AP3B1: variants seen among roughly 807,000 people sequenced by gnomAD.
The protein encoded by AP3B1 is AP-3 complex subunit beta-1.
AP3B1 carries 61 observed loss-of-function variants against 132.5 expected under a neutral mutation model. The observed-to-expected ratio is 0.46, with a 90% CI of 0.37 to 0.57. AP3B1 has a LOEUF of 0.57. Ranked by LOEUF, AP3B1 falls within the 20% of genes least tolerant of loss-of-function variation. AP3B1 has a pLI of 0.00. For synonymous variants in AP3B1, 388 were observed against 438.3 expected, an observed-to-expected ratio of 0.89 and a Z score of 1.43; for missense variants, 1,120 against 1,289.4, an observed-to-expected ratio of 0.87 and a Z score of 2.01.
intron 26 of AP3B1, among the ~76,000 whole-genome samples, chr5:78,013,815 A>G (rs1746725165): frequency 6.6e-6 from 1 of 152,108 alleles, no homozygotes; most frequent in Non-Finnish European, 1.5e-5. Context: ...CCTTACATCC[A>G]TTTTCTTATT....
At chr5:78,086,905 G>T (rs1279925443) in intron 22 of AP3B1, among the ~76,000 whole-genome samples, 1 of 152,004 alleles carries the variant, frequency 6.6e-6, no homozygotes, top group African/African-American at 2.4e-5. Flanking sequence ...AAGTACTTTG[G>T]TGCAGAAAAA....
At chr5:78,153,231 A>G (rs1057439602) in intron 14 of AP3B1, among the ~76,000 whole-genome samples, 23 of 152,174 alleles carry the variant, frequency 1.5e-4, no homozygotes, top group Non-Finnish European at 3.2e-4. Flanking sequence ...TGTTGAGTGC[A>G]TATATATTTA....
intron 24 of AP3B1, among the ~76,000 whole-genome samples, chr5:78,025,792 T>C (rs2112076209): frequency 1.3e-5 from 2 of 152,344 alleles, no homozygotes; most frequent in Middle Eastern, 6.8e-3. Flanking sequence ...AGGAGGATAA[T>C]AAATCCTTAT....
intron 7 of AP3B1, among the ~76,000 whole-genome samples, chr5:78,186,032 C>A (rs77380474): frequency 0.023 from 3,556 of 152,014 alleles, 150 homozygotes; most frequent in African/African-American, 0.079. Flanking sequence ...CTAAATGGGA[C>A]GCTTAAGCCT....
chr5:78,100,405 T>G (rs1319530790), intron 21 of AP3B1, among the ~76,000 whole-genome samples: 1 of 152,154 alleles, frequency 6.6e-6, no homozygotes, highest in East Asian at 1.9e-4. Context: ...CTTTGTACAC[T>G]TGGGTGAATA....
At chr5:78,118,992 C>G (rs1752008805) in intron 17 of AP3B1, among the ~76,000 whole-genome samples, 1 of 152,184 alleles carries the variant, frequency 6.6e-6, no homozygotes, top group Non-Finnish European at 1.5e-5. Flanking sequence ...GAGGAACGAT[C>G]AGGCAGCAGC....
At chr5:78,070,782 T>A (rs1201754526) in intron 22 of AP3B1, among the ~76,000 whole-genome samples, 15 of 150,098 alleles carry the variant, frequency 1.0e-4, no homozygotes, top group African/African-American at 3.7e-4. Context: ...CAAAAGAAGA[T>A]ATTTATGTGG....
At chr5:78,223,009 T>C (rs1746247005) in intron 6 of AP3B1, among the ~76,000 whole-genome samples, 1 of 140,622 alleles carries the variant, frequency 7.1e-6, no homozygotes, top group Non-Finnish European at 1.5e-5. Context: ...TCTTGTTTTT[T>C]TGTTTGTTTG....
chr5:78,096,719 G>A (rs1750812401), intron 21 of AP3B1, among the ~76,000 whole-genome samples: 1 of 151,556 alleles, frequency 6.6e-6, no homozygotes, highest in African/African-American at 2.4e-5. Context: ...GAGAAGGGAG[G>A]AGACCCTCCA....
intron 1 of AP3B1, among the ~76,000 whole-genome samples, chr5:78,286,596 A>G (rs1749292454): frequency 6.6e-6 from 1 of 152,190 alleles, no homozygotes; most frequent in Non-Finnish European, 1.5e-5. Context: ...AAATAAAATT[A>G]TATTCTTTAG....
intron 14 of AP3B1, among the ~76,000 whole-genome samples, chr5:78,145,117 A>C (rs1295568172): frequency 6.6e-6 from 1 of 152,232 alleles, no homozygotes; most frequent in Non-Finnish European, 1.5e-5. Context: ...TACAGACATA[A>C]ATCTATTTGA....
intron 1 of AP3B1, among the ~76,000 whole-genome samples, chr5:78,285,248 CAA>C (rs369311356): frequency 1.4e-4 from 19 of 133,286 alleles, no homozygotes; most frequent in Admixed American, 2.3e-4. Flanking sequence ...GACTCTGTCT[CAA>C]AAAAAAAAAA....
chr5:78,140,736 A>G (rs1753111396), intron 15 of AP3B1, among the ~76,000 whole-genome samples: 1 of 152,132 alleles, frequency 6.6e-6, no homozygotes. Context: ...TCACCTTCAA[A>G]AAGTTTCCCA....
chr5:78,015,594 A>C, intron 25 of AP3B1, 46 bp from the exon 26 acceptor site: 1 of 1,605,032 alleles, frequency 6.2e-7, no homozygotes, highest in Admixed American at 1.7e-5. Flanking sequence ...TCTTTTTGAA[A>C]ATTACATTTA....
chr5:78,228,245 A>T lies in AP3B1; in HGVS notation c.280-6T>A, dbSNP rs749706587. 2 of 1,468,250 alleles carry T rather than the reference A, an allele frequency of 1.4e-6. No homozygotes were observed. Among genetic ancestry groups the T allele is most frequent in the South Asian group, 2.4e-5 (2 of 85,106 alleles). 91.0% of individuals were successfully genotyped at this position (1,468,250 alleles called of 1,614,324 possible). The stretch of plus-strand genomic sequence containing the variant: ...ACATATACCAACTTCTTGATCTGTT[A>T]AAAAAAAATCATTTATTCATAACCA... On this transcript the variant is annotated splice_polypyrimidine_tract_variant and splice_region_variant and intron_variant, in intron 3 of 26. Transcript: ENST00000255194.
intron 1 of AP3B1, among the ~76,000 whole-genome samples, chr5:78,275,817 G>T: frequency 6.6e-6 from 1 of 151,992 alleles, no homozygotes; most frequent in East Asian, 1.9e-4. Context: ...GCAGAACCAG[G>T]AAACGAAAAA....
rs1746473943 is a variant in AP3B1 at position 78,228,089 on chromosome 5, A to T, written c.375+55T>A. 3.2e-6 allele frequency: 4 copies of T among 1,234,872 alleles called. No homozygotes were observed. In the East Asian group the frequency reaches 9.4e-5, roughly 29 times the overall value. 76.5% of individuals were successfully genotyped at this position (1,234,872 alleles called of 1,614,324 possible). ...ATCGCTCCACTTCTTTAACTGACAC[A>T]CTTTCAACTCTGCAGAAACCTTGTA... On this transcript the variant is annotated intron_variant, in intron 4 of 26. Transcript: ENST00000255194.
chr5:78,096,756 G>C (rs1049032961), intron 21 of AP3B1, among the ~76,000 whole-genome samples: 13 of 151,758 alleles, frequency 8.6e-5, no homozygotes, highest in African/African-American at 3.1e-4. Flanking sequence ...TCTGAGAAGT[G>C]AGGAGCCCCT....
intron 7 of AP3B1, among the ~76,000 whole-genome samples, chr5:78,184,100 C>T (rs1225880567): frequency 6.6e-6 from 1 of 150,548 alleles, no homozygotes; most frequent in African/African-American, 2.5e-5. Context: ...CCCTGGGAGG[C>T]GGAGGTTGCA....
Sources: allele counts gnomAD v4.1 joint callset (sites outside exome capture counted in the v4.1 genomes callset), GRCh38; gene constraint gnomAD v4.1.1; transcripts MANE v1.5; gene names NCBI Gene and HGNC (gene_info 2026-07-23, HGNC 2026-07-21).